Variants in DAB1 observed in about 807,000 individuals in gnomAD.
DAB1 encodes the protein DAB adaptor protein 1, also known as disabled homolog 1.
Under a neutral mutation model 64.6 loss-of-function variants are expected in DAB1, and 15 were observed. The observed-to-expected ratio is 0.23, with a 90% CI of 0.16 to 0.36. The LOEUF is 0.36. Among genes scored for constraint, DAB1 ranks in the 10% least tolerant of loss-of-function variants. The probability of loss-of-function intolerance (pLI) is 1.00; values close to 1 mark genes in which losing one functional copy is unlikely to be tolerated. For synonymous variants in DAB1, 235 were observed against 251.9 expected (o/e 0.93, Z 0.64); for missense variants, 596 against 706.7 (o/e 0.84, Z 1.78).
In DAB1 at chr1:57,610,649, T is replaced by C. The variant is rs147225581; in HGVS notation, n.625+38943A>G. Among the ~76,000 whole-genome samples the C allele has an allele frequency of 3.8e-3, 586 of 152,330 alleles. 3 individuals are homozygous for C. The highest frequency in any genetic ancestry group is 0.014 in the African/African-American group (562 of 41,574). ...GAAGGCCTCAGGAAACTTACAATCA[T>C]GGCAGAAGGCACCTCTTCACAGGGC... is the stretch of plus-strand genomic sequence containing the variant. On this transcript the variant is annotated intron_variant and non_coding_transcript_variant, in intron 7 of 20. Coordinates refer to the DAB1 transcript ENST00000485760.
chr1:58,227,470 T>C (rs1223962495), intron 4 of DAB1, among the ~76,000 whole-genome samples: 1 of 152,102 alleles, frequency 6.6e-6, no homozygotes, highest in Non-Finnish European at 1.5e-5. Flanking sequence ...CTTAATAAAA[T>C]GATGTGAAGT....
intron 5 of DAB1, among the ~76,000 whole-genome samples, chr1:57,935,695 C>T (rs1391398711): frequency 6.6e-6 from 1 of 152,048 alleles, no homozygotes; most frequent in Non-Finnish European, 1.5e-5. Flanking sequence ...TGAGGGGTCA[C>T]AACCAGGAAT....
At chr1:57,824,911 A>T (rs1213118687), downstream of DAB1, among the ~76,000 whole-genome samples, 1 of 152,202 alleles carries the variant, frequency 6.6e-6, no homozygotes, top group African/African-American at 2.4e-5. Flanking sequence ...AAAGACATGA[A>T]TGATCCCAAA....
At chr1:57,708,592 T>G (rs1646993581) in intron 6 of DAB1, among the ~76,000 whole-genome samples, 1 of 152,198 alleles carries the variant, frequency 6.6e-6, no homozygotes, top group African/African-American at 2.4e-5. Flanking sequence ...TAGTCAGTGG[T>G]GAAGCTGGCT....
chr1:58,355,070 G>A (rs1240979080), intron 3 of DAB1, among the ~76,000 whole-genome samples: 1 of 152,124 alleles, frequency 6.6e-6, no homozygotes, highest in Admixed American at 6.6e-5. Flanking sequence ...CCTGTGTGCT[G>A]TTCTGGGTGT....
At chr1:58,150,068 G>A (rs1017863460) in intron 5 of DAB1, among the ~76,000 whole-genome samples, 1 of 152,150 alleles carries the variant, frequency 6.6e-6, no homozygotes, top group African/African-American at 2.4e-5. Context: ...TGTTTTAAAT[G>A]TATCATCTCT....
chr1:57,174,642 C>T (rs943999671), intron 2 of DAB1, among the ~76,000 whole-genome samples: 8 of 152,148 alleles, frequency 5.3e-5, no homozygotes, highest in African/African-American at 1.9e-4. Flanking sequence ...CTCTGAACAG[C>T]TCTGTAGGTG....
chr1:57,130,136 T>A (rs1233212139), intron 4 of DAB1, among the ~76,000 whole-genome samples: 2 of 151,728 alleles, frequency 1.3e-5, no homozygotes, highest in South Asian at 2.1e-4. Context: ...AGTAGGGACA[T>A]CATAAAAGGC....
chr1:57,347,043 G>C (rs968524124), intron 1 of DAB1, among the ~76,000 whole-genome samples: 2 of 152,152 alleles, frequency 1.3e-5, no homozygotes, highest in African/African-American at 4.8e-5. Context: ...AGTCATAAAA[G>C]CTATGATATC....
intron 1 of DAB1, among the ~76,000 whole-genome samples, chr1:57,336,596 G>A (rs572672018): frequency 2.4e-4 from 37 of 152,254 alleles, no homozygotes; most frequent in Middle Eastern, 3.4e-3. Flanking sequence ...TAGTAGGTAG[G>A]TGCTTATCAC....
chr1:57,525,815 G>T (rs1644585547), intron 7 of DAB1, among the ~76,000 whole-genome samples: 3 of 151,914 alleles, frequency 2.0e-5, no homozygotes, highest in Admixed American at 2.0e-4. Context: ...TGCATTAGAG[G>T]AACAAAAGCT....
intron 3 of DAB1, among the ~76,000 whole-genome samples, chr1:58,434,250 T>G (rs865387): frequency 0.094 from 14,234 of 152,080 alleles, 1,037 homozygotes; most frequent in East Asian, 0.27. Context: ...AAGAGGCTAT[T>G]GAAATAATCC....
intron 2 of DAB1, among the ~76,000 whole-genome samples, chr1:57,158,282 T>C (rs1201862101): frequency 6.6e-6 from 1 of 152,150 alleles, no homozygotes; most frequent in East Asian, 1.9e-4. Flanking sequence ...TTGTAGTGCA[T>C]TGGAAGGAAT....
intron 6 of DAB1, among the ~76,000 whole-genome samples, chr1:57,700,578 A>G (rs977529048): frequency 6.6e-6 from 1 of 152,018 alleles, no homozygotes; most frequent in Non-Finnish European, 1.5e-5. Context: ...AAGCCCCTTT[A>G]TATGTTGTTT....
intron 5 of DAB1, among the ~76,000 whole-genome samples, chr1:57,956,497 G>T (rs12046078): frequency 1.3e-5 from 2 of 152,268 alleles, no homozygotes; most frequent in East Asian, 3.9e-4. Context: ...AGGCTTTAAA[G>T]GTACAGAAGG....
At chr1:57,369,696 T>A (rs1680341242) in intron 1 of DAB1, among the ~76,000 whole-genome samples, 1 of 152,208 alleles carries the variant, frequency 6.6e-6, no homozygotes, top group Admixed American at 6.5e-5. Context: ...AGGCTTGAGA[T>A]GAAATCAAGG....
intron 7 of DAB1, among the ~76,000 whole-genome samples, chr1:57,544,065 A>C (rs1375277097): frequency 1.3e-5 from 2 of 152,182 alleles, no homozygotes; most frequent in African/African-American, 4.8e-5. Flanking sequence ...GTGAGCTCTG[A>C]TCATACCACT....
chr1:57,125,317 T>C (rs1162479886), intron 4 of DAB1, among the ~76,000 whole-genome samples: 1 of 152,204 alleles, frequency 6.6e-6, no homozygotes, highest in Non-Finnish European at 1.5e-5. Context: ...GTGAGACTCA[T>C]ATGCTGCAGA....
intron 5 of DAB1, among the ~76,000 whole-genome samples, chr1:57,967,392 C>T (rs569944168): frequency 1.3e-5 from 2 of 152,310 alleles, no homozygotes; most frequent in African/African-American, 4.8e-5. Flanking sequence ...TTGCTACCCA[C>T]TATCAAGGCT....
Sources: allele counts gnomAD v4.1 joint callset (sites outside exome capture counted in the v4.1 genomes callset), GRCh38; gene constraint gnomAD v4.1.1; transcripts MANE v1.5; gene names NCBI Gene and HGNC (gene_info 2026-07-23, HGNC 2026-07-21).